Variants in PTPRM observed in about 807,000 individuals in gnomAD.
The protein encoded by PTPRM is receptor-type tyrosine-protein phosphatase mu.
A neutral mutation model predicts 186.7 loss-of-function variants in PTPRM; 47 were observed. That is an observed-to-expected ratio of 0.25 (90% CI 0.20 to 0.32). The LOEUF (loss-of-function observed/expected upper bound fraction) is 0.32. Ranked by LOEUF, PTPRM falls within the 10% of genes least tolerant of loss-of-function variation. The pLI is 1.00. For synonymous variants in PTPRM, 668 were observed against 674.9 expected (o/e 0.99, Z 0.16); for missense variants, 1,494 against 1,865.0 (o/e 0.80, Z 3.66).
intron 1 of PTPRM, among the ~76,000 whole-genome samples, chr18:7,661,625 C>T (rs975767085): frequency 1.3e-5 from 2 of 152,188 alleles, no homozygotes; most frequent in African/African-American, 2.4e-5. Flanking sequence ...AAAAACCATC[C>T]AGGGGGATCA....
intron 1 of PTPRM, among the ~76,000 whole-genome samples, chr18:7,643,421 G>A (rs1001828473): frequency 6.6e-6 from 1 of 152,004 alleles, no homozygotes; most frequent in Non-Finnish European, 1.5e-5. Context: ...CTTACTGCAA[G>A]CTCCCCCGCC....
At chr18:7,583,819 C>G (rs2036908167) in intron 1 of PTPRM, among the ~76,000 whole-genome samples, 1 of 152,154 alleles carries the variant, frequency 6.6e-6, no homozygotes, top group African/African-American at 2.4e-5. Flanking sequence ...TTGTAAATCT[C>G]TAGTCTGTAT....
At chr18:7,860,486 T>A in intron 2 of PTPRM, among the ~76,000 whole-genome samples, 1 of 152,102 alleles carries the variant, frequency 6.6e-6, no homozygotes, top group East Asian at 1.9e-4. Flanking sequence ...GTCTGTCTTG[T>A]TCAATCTCAG....
At chr18:7,756,548 T>G (rs1327958942) in intron 1 of PTPRM, among the ~76,000 whole-genome samples, 1 of 152,218 alleles carries the variant, frequency 6.6e-6, no homozygotes, top group Admixed American at 6.5e-5. Flanking sequence ...ATGTCAGTGC[T>G]GTTTGGCTAT....
At chr18:7,978,115 T>C (rs2055080479) in intron 7 of PTPRM, among the ~76,000 whole-genome samples, 1 of 152,236 alleles carries the variant, frequency 6.6e-6, no homozygotes, top group Admixed American at 6.5e-5. Flanking sequence ...ACTTTGCTTT[T>C]AGCCTCACTA....
chr18:8,030,970 G>A (rs1382031406), intron 7 of PTPRM, among the ~76,000 whole-genome samples: 2 of 152,104 alleles, frequency 1.3e-5, no homozygotes, highest in Non-Finnish European at 2.9e-5. Context: ...TTGAATACTT[G>A]TGTTTTCTTT....
intron 14 of PTPRM, among the ~76,000 whole-genome samples, chr18:8,220,180 G>C (rs2094138656): frequency 6.6e-6 from 1 of 152,110 alleles, no homozygotes; most frequent in South Asian, 2.1e-4. Context: ...GAATTAAAGG[G>C]GAAGGAGATA....
chr18:8,375,729 A>C (rs955129363), intron 24 of PTPRM, among the ~76,000 whole-genome samples: 1 of 152,174 alleles, frequency 6.6e-6, no homozygotes, highest in Non-Finnish European at 1.5e-5. Flanking sequence ...AAGTGAGACA[A>C]ACCTTTAACA....
chr18:8,346,143 C>T (rs1045728727), intron 23 of PTPRM, among the ~76,000 whole-genome samples: 11 of 152,176 alleles, frequency 7.2e-5, no homozygotes, highest in African/African-American at 2.2e-4. Context: ...GCAGGGAGGA[C>T]CACCAGCCCG....
intron 23 of PTPRM, among the ~76,000 whole-genome samples, chr18:8,347,816 T>A (rs559959510): frequency 2.6e-5 from 4 of 152,108 alleles, no homozygotes; most frequent in African/African-American, 7.2e-5. Context: ...AAAAAAAAAA[T>A]TTCTTCCAAA....
intron 1 of PTPRM, among the ~76,000 whole-genome samples, chr18:7,703,683 G>T (rs921182298): frequency 3.3e-5 from 5 of 152,086 alleles, no homozygotes. Context: ...TTGCCTGATT[G>T]CCCTGGCCAG....
At chr18:7,682,745 T>C (rs1038702543) in intron 1 of PTPRM, among the ~76,000 whole-genome samples, 4 of 152,340 alleles carry the variant, frequency 2.6e-5, no homozygotes, top group Admixed American at 6.5e-5. Context: ...GGTTCACAAA[T>C]AATTTGCTGA....
chr18:8,325,239 G>T (rs2095368573), intron 22 of PTPRM, among the ~76,000 whole-genome samples: 1 of 152,112 alleles, frequency 6.6e-6, no homozygotes, highest in Non-Finnish European at 1.5e-5. Context: ...ATGAGGGTTT[G>T]GTGTACAGAT....
At chr18:7,681,603 A>C (rs2039482678) in intron 1 of PTPRM, among the ~76,000 whole-genome samples, 1 of 151,632 alleles carries the variant, frequency 6.6e-6, no homozygotes, top group Non-Finnish European at 1.5e-5. Flanking sequence ...AAAACAAAAA[A>C]CCCTTATTTT....
chr18:7,963,591 G>T (rs914749008), intron 7 of PTPRM, among the ~76,000 whole-genome samples: 1 of 152,214 alleles, frequency 6.6e-6, no homozygotes, highest in African/African-American at 2.4e-5. Flanking sequence ...GTGGCTTCTT[G>T]TGTAGCTTTG....
At chr18:7,670,810 A>T (rs576266887) in intron 1 of PTPRM, among the ~76,000 whole-genome samples, 2 of 152,312 alleles carry the variant, frequency 1.3e-5, no homozygotes, top group African/African-American at 4.8e-5. Flanking sequence ...AATTCTGCAG[A>T]TAGTATTTCA....
intron 1 of PTPRM, among the ~76,000 whole-genome samples, chr18:7,654,693 T>C (rs1235806830): frequency 2.0e-5 from 3 of 152,206 alleles, no homozygotes; most frequent in Non-Finnish European, 4.4e-5. Flanking sequence ...CCAGTGCCAT[T>C]TATTGAATAG....
Position 8,126,001 on chromosome 18 carries a change from A to T in PTPRM, c.2167+11174A>T, listed in dbSNP as rs1600706137. 2.7e-3 allele frequency among the ~76,000 whole-genome samples: 40 copies of T among 14,590 alleles called. 1 individual carries two copies. The highest frequency in any genetic ancestry group is 4.7e-3 in the African/African-American group (35 of 7,460). The allele number at this position is 14,590 out of a possible 152,430, so 9.6% of individuals were successfully genotyped here. ...CATATATATATATATATATATATATATATATATATATATATATATATATAT... is the reference window on the plus strand; with the variant it reads ...CATATATATATATATATATATATATTTATATATATATATATATATATATAT... On this transcript the variant is annotated intron_variant, in intron 13 of 32. Transcript: ENST00000580170.
chr18:7,885,690 C>T (rs2048749816), intron 2 of PTPRM, among the ~76,000 whole-genome samples: 1 of 152,102 alleles, frequency 6.6e-6, no homozygotes, highest in Non-Finnish European at 1.5e-5. Context: ...ACTATAAAAG[C>T]TAGGATCACT....
Sources: allele counts gnomAD v4.1 joint callset (sites outside exome capture counted in the v4.1 genomes callset), GRCh38; gene constraint gnomAD v4.1.1; transcripts MANE v1.5; gene names NCBI Gene and HGNC (gene_info 2026-07-23, HGNC 2026-07-21).